RORA: variants seen among roughly 807,000 people sequenced by gnomAD.
RORA encodes RAR related orphan receptor A, also known as nuclear receptor ROR-alpha.
Under a neutral mutation model 69.5 loss-of-function variants are expected in RORA, and 7 were observed. The observed-to-expected ratio is 0.10, with a 90% CI of 0.06 to 0.19. The LOEUF (loss-of-function observed/expected upper bound fraction) is 0.19. RORA is among the 10% of genes least tolerant of loss of function. The pLI is 1.00. For synonymous variants in RORA, 261 were observed against 240.8 expected (o/e 1.08, Z -0.78); for missense variants, 457 against 663.0 (o/e 0.69, Z 3.41).
chr15:60,955,487 T>C (rs1214931759), intron 1 of RORA, among the ~76,000 whole-genome samples: 1 of 152,204 alleles, frequency 6.6e-6, no homozygotes, highest in African/African-American at 2.4e-5. Context: ...CCTCCAATTG[T>C]TGTCATTCAT....
At chr15:60,658,803 G>A (rs16942898) in intron 2 of RORA, among the ~76,000 whole-genome samples, 25,983 of 152,160 alleles carry the variant, frequency 0.17, 2,437 homozygotes, top group African/African-American at 0.24. Context: ...CCATGTGAAG[G>A]AAAATGTTTC....
At chr15:61,197,011 A>G (rs1275495872) in intron 1 of RORA, among the ~76,000 whole-genome samples, 1 of 152,242 alleles carries the variant, frequency 6.6e-6, no homozygotes, top group Non-Finnish European at 1.5e-5. Flanking sequence ...CTTAGGAAAC[A>G]ACAAAAATTT....
At chr15:60,848,213 A>C (rs1198842049) in intron 1 of RORA, 1 of 152,336 alleles carries the variant, frequency 6.6e-6, no homozygotes, top group Non-Finnish European at 1.5e-5. Context: ...CTCCTGTGGT[A>C]GGAAGAATAA....
chr15:60,552,761 TA>T (rs2067259516), intron 2 of RORA, among the ~76,000 whole-genome samples: 1 of 152,208 alleles, frequency 6.6e-6, no homozygotes, highest in South Asian at 2.1e-4. Context: ...CTACATTTAC[TA>T]GAGCCTGCCA....
chr15:61,015,026 G>C (rs190948440), intron 1 of RORA, among the ~76,000 whole-genome samples: 1 of 152,084 alleles, frequency 6.6e-6, no homozygotes, highest in Non-Finnish European at 1.5e-5. Flanking sequence ...AGCAAGCACC[G>C]GATCTCTCCT....
intron 1 of RORA, among the ~76,000 whole-genome samples, chr15:60,725,030 C>T (rs2071339305): frequency 6.6e-6 from 1 of 152,174 alleles, no homozygotes; most frequent in African/African-American, 2.4e-5. Context: ...AAAGCATATG[C>T]ATTCAGATTT....
At chr15:60,613,262 A>G (rs1485979371) in intron 2 of RORA, among the ~76,000 whole-genome samples, 2 of 152,142 alleles carry the variant, frequency 1.3e-5, no homozygotes, top group Non-Finnish European at 2.9e-5. Context: ...TGTGCCTGTA[A>G]TATACAGGGG....
At chr15:60,523,319 G>C (rs890553535) in intron 3 of RORA, among the ~76,000 whole-genome samples, 15 of 152,168 alleles carry the variant, frequency 9.9e-5, no homozygotes, top group Admixed American at 7.9e-4. Context: ...TCTTTCCTCA[G>C]TTGTAACCAT....
intron 1 of RORA, among the ~76,000 whole-genome samples, chr15:61,225,831 G>A (rs2080140697): frequency 6.6e-6 from 1 of 152,188 alleles, no homozygotes; most frequent in South Asian, 2.1e-4. Flanking sequence ...AAGATTCGCT[G>A]TGGTTTTTTT....
At chr15:61,168,593 T>C (rs2079558397) in intron 1 of RORA, among the ~76,000 whole-genome samples, 1 of 152,072 alleles carries the variant, frequency 6.6e-6, no homozygotes, top group Non-Finnish European at 1.5e-5. Flanking sequence ...ATTTTTAGGA[T>C]AAATAAAAAC....
chr15:60,549,955 A>G (rs1248646786), intron 2 of RORA, among the ~76,000 whole-genome samples: 1 of 152,220 alleles, frequency 6.6e-6, no homozygotes, highest in Non-Finnish European at 1.5e-5. Flanking sequence ...AAGTGGCTGA[A>G]GATGTAATTG....
chr15:60,759,163 T>G (rs1439531446), intron 1 of RORA, among the ~76,000 whole-genome samples: 1 of 152,202 alleles, frequency 6.6e-6, no homozygotes. Flanking sequence ...AGTAGCCACA[T>G]GCATCTATGG....
intron 1 of RORA, among the ~76,000 whole-genome samples, chr15:61,040,550 A>T: frequency 6.6e-6 from 1 of 151,186 alleles, no homozygotes; most frequent in African/African-American, 2.4e-5. Context: ...ATTTCAGGAC[A>T]TTTGATGAGT....
chr15:60,693,799 C>A (rs762912343), intron 1 of RORA, among the ~76,000 whole-genome samples: 1 of 152,090 alleles, frequency 6.6e-6, no homozygotes, highest in Non-Finnish European at 1.5e-5. Flanking sequence ...AGAGAGGACA[C>A]AAACAAATGG....
intron 1 of RORA, among the ~76,000 whole-genome samples, chr15:61,008,782 C>A (rs1894998963): frequency 6.6e-6 from 1 of 151,878 alleles, no homozygotes; most frequent in African/African-American, 2.4e-5. Context: ...ATACATATAC[C>A]CACTCTCAAA....
At chr15:61,163,280 C>A (rs1335277442) in intron 1 of RORA, among the ~76,000 whole-genome samples, 2 of 152,108 alleles carry the variant, frequency 1.3e-5, no homozygotes, top group African/African-American at 2.4e-5. Flanking sequence ...CAGAGCAGAG[C>A]CTAAGAGGAT....
At chr15:60,552,726 A>T (rs569258039) in intron 2 of RORA, among the ~76,000 whole-genome samples, 1 of 152,200 alleles carries the variant, frequency 6.6e-6, no homozygotes, top group Non-Finnish European at 1.5e-5. Flanking sequence ...AAAAAAATCA[A>T]TTGGGGCAGG....
intron 1 of RORA, among the ~76,000 whole-genome samples, chr15:60,761,475 G>T (rs2071889285): frequency 1.3e-5 from 2 of 152,080 alleles, no homozygotes; most frequent in East Asian, 3.9e-4. Context: ...CACAAGTTAA[G>T]AAAGAGCTGG....
intron 2 of RORA, among the ~76,000 whole-genome samples, chr15:60,648,429 CT>C (rs917558565): frequency 6.6e-6 from 1 of 152,170 alleles, no homozygotes; most frequent in Non-Finnish European, 1.5e-5. Flanking sequence ...GAAACTGCAG[CT>C]TTTAGAAATG....
Sources: gnomAD v4.1 joint callset for allele counts (sites outside exome capture counted in the v4.1 genomes callset) on GRCh38, gnomAD v4.1.1 for gene constraint, MANE v1.5 for transcripts, NCBI Gene and HGNC (gene_info 2026-07-23, HGNC 2026-07-21) for gene names.